CADM2: variants seen among roughly 807,000 people sequenced by gnomAD.
CADM2 encodes the protein cell adhesion molecule 2, also known as immunoglobulin superfamily member 4D.
In CADM2, 12 loss-of-function variants were observed where a neutral mutation model predicts 49.8. The ratio of observed to expected loss-of-function variants is 0.24; its 90% CI spans 0.15 to 0.39. The LOEUF is 0.39. Among genes scored for constraint, CADM2 ranks in the 10% least tolerant of loss-of-function variants. The pLI is 1.00. For synonymous variants in CADM2, 214 were observed against 175.4 expected, an observed-to-expected ratio of 1.22 and a Z score of -1.74; for missense variants, 378 against 492.3, an observed-to-expected ratio of 0.77 and a Z score of 2.20.
chr3:85,149,455 G>A (rs1324351611), intron 1 of CADM2, among the ~76,000 whole-genome samples: 4 of 152,140 alleles, frequency 2.6e-5, no homozygotes, highest in Admixed American at 6.5e-5. Flanking sequence ...AGCCGGGCAC[G>A]GTTGCTCACA....
intron 1 of CADM2, among the ~76,000 whole-genome samples, chr3:85,451,397 C>T (rs1002807841): frequency 5.3e-5 from 8 of 152,032 alleles, no homozygotes; most frequent in Non-Finnish European, 1.0e-4. Context: ...ATGACCTTTT[C>T]GTAACCATTC....
chr3:85,642,725 C>T (rs867565820), intron 1 of CADM2, among the ~76,000 whole-genome samples: 5 of 152,198 alleles, frequency 3.3e-5, no homozygotes, highest in Middle Eastern at 3.4e-3. Flanking sequence ...AATGAAATAT[C>T]TCATAGAAAA....
intron 1 of CADM2, among the ~76,000 whole-genome samples, chr3:85,405,064 A>G (rs948364855): frequency 2.0e-5 from 3 of 152,166 alleles, no homozygotes; most frequent in African/African-American, 7.2e-5. Flanking sequence ...ATAAATCATT[A>G]GTGCAAATGT....
intron 1 of CADM2, among the ~76,000 whole-genome samples, chr3:85,363,452 A>G (rs1459555422): frequency 6.6e-6 from 1 of 152,038 alleles, no homozygotes; most frequent in African/African-American, 2.4e-5. Flanking sequence ...AAAACCCCAA[A>G]TACCCCCAAG....
At chr3:85,070,774 C>G (rs1032507306) in intron 1 of CADM2, among the ~76,000 whole-genome samples, 2 of 151,850 alleles carry the variant, frequency 1.3e-5, no homozygotes, top group Non-Finnish European at 2.9e-5. Context: ...AGGTAGATCA[C>G]GAGGTCAAGA....
At chr3:85,868,576 T>A (rs1221751170) in intron 3 of CADM2, among the ~76,000 whole-genome samples, 1 of 152,136 alleles carries the variant, frequency 6.6e-6, no homozygotes, top group Non-Finnish European at 1.5e-5. Flanking sequence ...AATTGGTTGG[T>A]TATGAAATTT....
chr3:85,013,755 G>T (rs957218434), intron 1 of CADM2, among the ~76,000 whole-genome samples: 1 of 148,432 alleles, frequency 6.7e-6, no homozygotes, highest in East Asian at 2.0e-4. Context: ...GGTCAACTAC[G>T]GTCCAAAAAT....
chr3:85,365,284 T>C (rs2107296315), intron 1 of CADM2, among the ~76,000 whole-genome samples: 1 of 149,332 alleles, frequency 6.7e-6, no homozygotes, highest in Admixed American at 6.8e-5. Flanking sequence ...TGCAATCAGC[T>C]GTAATGGAAG....
chr3:85,706,697 G>C (rs1007212217), intron 1 of CADM2, among the ~76,000 whole-genome samples: 4 of 152,082 alleles, frequency 2.6e-5, no homozygotes, highest in African/African-American at 9.7e-5. Flanking sequence ...AACTGAATAA[G>C]CAATTTATAA....
intron 1 of CADM2, among the ~76,000 whole-genome samples, chr3:85,107,097 C>T (rs1049514560): frequency 1.6e-4 from 25 of 152,080 alleles, no homozygotes; most frequent in African/African-American, 6.0e-4. Context: ...CCATCTATCG[C>T]TGTCCCATTT....
intron 1 of CADM2, among the ~76,000 whole-genome samples, chr3:85,317,808 A>C (rs975627620): frequency 2.0e-5 from 3 of 152,264 alleles, no homozygotes; most frequent in Non-Finnish European, 4.4e-5. Flanking sequence ...ATGCTATAGC[A>C]GTAGCCAAAT....
At chr3:85,630,704 A>G (rs1256838425) in intron 1 of CADM2, among the ~76,000 whole-genome samples, 2 of 152,066 alleles carry the variant, frequency 1.3e-5, no homozygotes, top group Non-Finnish European at 2.9e-5. Context: ...CTTTAGAATA[A>G]CTCAGTTGGC....
chr3:85,046,997 A>C (rs2035692545), intron 1 of CADM2, among the ~76,000 whole-genome samples: 1 of 152,180 alleles, frequency 6.6e-6, no homozygotes, highest in Non-Finnish European at 1.5e-5. Context: ...AATAAGACAT[A>C]AAAGGTTCTG....
intron 1 of CADM2, among the ~76,000 whole-genome samples, chr3:84,973,705 T>C (rs2031622299): frequency 6.7e-6 from 1 of 149,282 alleles, no homozygotes; most frequent in South Asian, 2.1e-4. Flanking sequence ...ACCAGCAACA[T>C]TCATTCAAAG....
chr3:85,877,684 G>GTTTTTTTTTTTTTTTTCTTT (rs1712097795), intron 3 of CADM2, among the ~76,000 whole-genome samples: 1 of 112,026 alleles, frequency 8.9e-6, no homozygotes, highest in African/African-American at 3.3e-5. Context: ...TTTTTCTTCT[G>GTTTTTTTTTTTTTTTTCTTT]TTTTTTTTTT....
At chr3:85,758,641 G>A (rs955687773) in intron 2 of CADM2, among the ~76,000 whole-genome samples, 1 of 151,956 alleles carries the variant, frequency 6.6e-6, no homozygotes, top group Non-Finnish European at 1.5e-5. Flanking sequence ...TTGAGTCAGA[G>A]GTTTAAGTAT....
chr3:85,008,374 T>C (rs2033839592), intron 1 of CADM2, among the ~76,000 whole-genome samples: 1 of 152,206 alleles, frequency 6.6e-6, no homozygotes, highest in Non-Finnish European at 1.5e-5. Context: ...AATACACCCA[T>C]TCAATTTTCA....
At chr3:85,116,834 C>A (rs2038656473) in intron 1 of CADM2, among the ~76,000 whole-genome samples, 1 of 151,820 alleles carries the variant, frequency 6.6e-6, no homozygotes, top group Admixed American at 6.6e-5. Context: ...AAATCATGTT[C>A]TTACCTTAGG....
At chr3:85,511,641 A>G (rs2040620965) in intron 1 of CADM2, among the ~76,000 whole-genome samples, 1 of 152,072 alleles carries the variant, frequency 6.6e-6, no homozygotes, top group Non-Finnish European at 1.5e-5. Flanking sequence ...CGTATTTGCC[A>G]CCAAGGCATC....
Sources: gnomAD v4.1 joint callset for allele counts (sites outside exome capture counted in the v4.1 genomes callset) on GRCh38, gnomAD v4.1.1 for gene constraint, MANE v1.5 for transcripts, NCBI Gene and HGNC (gene_info 2026-07-23, HGNC 2026-07-21) for gene names.